Variants in ADAMTS18 observed in about 807,000 individuals in gnomAD.
ADAMTS18 encodes the protein ADAM metallopeptidase with thrombospondin type 1 motif 18.
A neutral mutation model predicts 165.9 loss-of-function variants in ADAMTS18; 157 were observed. The ratio of observed to expected loss-of-function variants is 0.95; its 90% CI spans 0.83 to 1.08. The LOEUF (loss-of-function observed/expected upper bound fraction) is 1.08. Among genes scored for constraint, ADAMTS18 ranks in the 50% least tolerant of loss-of-function variants. ADAMTS18 has a pLI of 0.00. For missense variants in ADAMTS18, 2,040 were observed against 1,534.0 expected (o/e 1.33, Z -5.51); for synonymous variants, 782 against 578.2 (o/e 1.35, Z -5.06).
chr16:77,366,624 A>G (rs992350284), intron 4 of ADAMTS18, among the ~76,000 whole-genome samples: 1 of 152,230 alleles, frequency 6.6e-6, no homozygotes, highest in Non-Finnish European at 1.5e-5. Flanking sequence ...TGTTTTAAGT[A>G]TGTCCCAAAC....
At chr16:77,408,414 A>C (rs181154077) in intron 3 of ADAMTS18, among the ~76,000 whole-genome samples, 1 of 152,280 alleles carries the variant, frequency 6.6e-6, no homozygotes, top group East Asian at 1.9e-4. Flanking sequence ...TAGTCACAAC[A>C]GCATTATTTG....
intron 12 of ADAMTS18, among the ~76,000 whole-genome samples, chr16:77,331,945 CT>C (rs1377087830): frequency 6.6e-6 from 1 of 152,162 alleles, no homozygotes; most frequent in Non-Finnish European, 1.5e-5. Context: ...TACCATTCAT[CT>C]TTTTTAAAAT....
At chr16:77,345,893 G>C (rs1247380950) in intron 10 of ADAMTS18, among the ~76,000 whole-genome samples, 1 of 152,098 alleles carries the variant, frequency 6.6e-6, no homozygotes, top group Non-Finnish European at 1.5e-5. Context: ...TTCATCACGA[G>C]AAAAATCCAA....
intron 16 of ADAMTS18, among the ~76,000 whole-genome samples, chr16:77,311,259 C>G (rs1170661584): frequency 6.6e-6 from 1 of 152,134 alleles, no homozygotes; most frequent in Non-Finnish European, 1.5e-5. Flanking sequence ...TTTATTCTTT[C>G]TGTGGATGGA....
intron 6 of ADAMTS18, among the ~76,000 whole-genome samples, chr16:77,362,862 A>C (rs1006842199): frequency 6.6e-6 from 1 of 152,220 alleles, no homozygotes; most frequent in Non-Finnish European, 1.5e-5. Context: ...TCAGTTAATT[A>C]GGATGTGGCT....
intron 22 of ADAMTS18, among the ~76,000 whole-genome samples, chr16:77,285,449 A>G (rs1477240114): frequency 6.8e-6 from 1 of 146,784 alleles, no homozygotes; most frequent in Non-Finnish European, 1.5e-5. Flanking sequence ...CTGGAATTAC[A>G]GGTGTGAGGC....
Position 77,393,073 on chromosome 16 carries a change from T to G in ADAMTS18, c.496-25350A>C, listed in dbSNP as rs556648379. On this transcript the variant is annotated intron_variant, in intron 3 of 22. Coordinates refer to ENST00000282849, the MANE Select transcript of ADAMTS18 (RefSeq NM_199355.4). ...GGTCATGATTTCACTGAAAGTCAGC[T>G]GCATTTTGATGAATCGTATTTAAAG... Among the ~76,000 whole-genome samples, 322 of 152,302 alleles carry G rather than the reference T, an allele frequency of 2.1e-3. 1 individual carries two copies. Among genetic ancestry groups the G allele is most frequent in the African/African-American group, 7.3e-3 (302 of 41,558 alleles).
intron 16 of ADAMTS18, among the ~76,000 whole-genome samples, chr16:77,314,625 ATGTGTGTGT>A (rs1722842149): frequency 7.5e-6 from 1 of 132,524 alleles, no homozygotes; most frequent in African/African-American, 2.9e-5. Flanking sequence ...AAAAAAAAAA[ATGTGTGTGT>A]ATGTGTGTGT....
intron 3 of ADAMTS18, among the ~76,000 whole-genome samples, chr16:77,422,290 C>T (rs939328045): frequency 1.3e-5 from 2 of 151,946 alleles, no homozygotes; most frequent in Non-Finnish European, 2.9e-5. Context: ...TATATAGGGT[C>T]CACCTGTGGA....
At position 77,422,127 on chromosome 16, in the gene ADAMTS18, C is replaced by T. The variant is rs2057610484; in HGVS notation, c.495+9168G>A. 2.0e-5 allele frequency among the ~76,000 whole-genome samples: 3 copies of T among 152,152 alleles called. No homozygotes were observed. The South Asian group carries it at 6.2e-4, about 32-fold the overall frequency. Reference sequence around the variant, plus strand: ...TTTGCTATGCATCGTTCCAGACCTGCTTCTGTGCATTAATTCACAGACCAA... The same window carrying T: ...TTTGCTATGCATCGTTCCAGACCTGTTTCTGTGCATTAATTCACAGACCAA... On this transcript the variant is annotated intron_variant, in intron 3 of 22. Coordinates refer to ENST00000282849, the MANE Select transcript of ADAMTS18 (RefSeq NM_199355.4).
intron 3 of ADAMTS18, among the ~76,000 whole-genome samples, chr16:77,411,677 A>ATTTTTTTTTTTTTTTT (rs34453966): frequency 1.4e-5 from 1 of 73,860 alleles, no homozygotes; most frequent in African/African-American, 5.3e-5. Flanking sequence ...AGTATCCAGA[A>ATTTTTTTTTTTTTTTT]TTTTTTTTTT....
At position 77,311,342 on chromosome 16, in the gene ADAMTS18, T is replaced by C. The variant is rs1455886335; in HGVS notation, c.2532+8507A>G. Among the ~76,000 whole-genome samples the C allele has an allele frequency of 3.3e-5, 5 of 152,224 alleles. No individual in the cohort carries two copies. In the East Asian group the frequency reaches 9.6e-4, roughly 29 times the overall value. ...ACAAGATTATAAAATAGATTTAATA[T>C]TTTTGTATTGGAGTAAATATATGTT... On this transcript the variant is annotated intron_variant, in intron 16 of 22. Transcript: ENST00000282849.
At chr16:77,417,094 T>C (rs938459091) in intron 3 of ADAMTS18, among the ~76,000 whole-genome samples, 4 of 152,196 alleles carry the variant, frequency 2.6e-5, no homozygotes, top group South Asian at 2.1e-4. Flanking sequence ...AACTGTAATA[T>C]TAATTTTGTT....
chr16:77,359,418 C>A lies in ADAMTS18; in HGVS notation c.1222G>T (p.Ala408Ser). ...KNEPCDTLGF[A>S]PISGMCSKYR... ...TTAGAGCACATTCCACTGATGGGGGCAAACCCTATTGAAAGAGCAGTTTCA... is the reference window on the plus strand; with the variant it reads ...TTAGAGCACATTCCACTGATGGGGGAAAACCCTATTGAAAGAGCAGTTTCA... Residue 408 changes from alanine to serine, a missense_variant, in exon 8 of 23, where the codon GCC becomes TCC. Physicochemically the swap from Ala to Ser is moderately conservative, Grantham distance 99. Transcript: ENST00000282849. 6.2e-7 allele frequency: 1 copy of A among 1,613,364 alleles called. No individual in the cohort carries two copies. Among genetic ancestry groups the A allele is most frequent in the Non-Finnish European group, 8.5e-7 (1 of 1,179,772 alleles).
chr16:77,405,039 A>T (rs1363450255), intron 3 of ADAMTS18, among the ~76,000 whole-genome samples: 1 of 152,212 alleles, frequency 6.6e-6, no homozygotes, highest in Non-Finnish European at 1.5e-5. Context: ...GCCACTGGTG[A>T]GGAAAAAATT....
At chr16:77,412,202 T>G (rs1158530907) in intron 3 of ADAMTS18, among the ~76,000 whole-genome samples, 2 of 152,182 alleles carry the variant, frequency 1.3e-5, no homozygotes, top group Non-Finnish European at 2.9e-5. Flanking sequence ...GGGATATGCA[T>G]CTTCTGCTGC....
At chr16:77,305,483 T>C (rs1336708019) in intron 16 of ADAMTS18, among the ~76,000 whole-genome samples, 1 of 152,168 alleles carries the variant, frequency 6.6e-6, no homozygotes, top group Admixed American at 6.5e-5. Flanking sequence ...TTCAAGACAG[T>C]GACAGTGAAG....
intron 18 of ADAMTS18, among the ~76,000 whole-genome samples, chr16:77,295,382 TTTAAAATCTGCACA>T (rs1385071148): frequency 1.0e-5 from 1 of 95,574 alleles, no homozygotes; most frequent in Admixed American, 1.0e-4. Context: ...TACATGCCAC[TTTAAAATCTGCACA>T]ATTCATTGAG....
intron 3 of ADAMTS18, chr16:77,378,900 T>C (rs1390130025): frequency 6.6e-6 from 1 of 152,158 alleles, no homozygotes; most frequent in Non-Finnish European, 1.5e-5. Context: ...TCAGTTGGAC[T>C]TGAAATTCTG....
Sources: allele counts gnomAD v4.1 joint callset (sites outside exome capture counted in the v4.1 genomes callset), GRCh38; gene constraint gnomAD v4.1.1; transcripts MANE v1.5; gene names NCBI Gene and HGNC (gene_info 2026-07-23, HGNC 2026-07-21).